Variants in EXD3 observed in about 807,000 individuals in gnomAD.
The protein encoded by EXD3 is exonuclease 3'-5' domain containing 3, also known as exonuclease mut-7 homolog.
Under a neutral mutation model 98.0 loss-of-function variants are expected in EXD3, and 92 were observed. The observed-to-expected ratio is 0.94, with a 90% confidence interval of 0.79 to 1.12. The LOEUF is 1.12. EXD3 is among the 50% of genes most tolerant of loss of function. The probability of loss-of-function intolerance (pLI) is 0.00; values close to 1 mark genes in which losing one functional copy is unlikely to be tolerated. For missense variants in EXD3, 1,222 were observed against 1,191.6 expected, an observed-to-expected ratio of 1.03 and a Z score of -0.38; for synonymous variants, 569 against 526.0, an observed-to-expected ratio of 1.08 and a Z score of -1.12.
chr9:137,372,993 A>G lies in EXD3; in HGVS notation c.374T>C (p.Leu125Pro), dbSNP rs756966630. 1 of 1,605,118 alleles carries G rather than the reference A, an allele frequency of 6.2e-7. No homozygotes were observed. The highest frequency in any genetic ancestry group is 2.2e-5 in the East Asian group (1 of 44,870). Residue 125 changes from leucine (L) to proline (P), a missense_variant, in exon 5 of 22, where the codon CTG becomes CCG. Transcript: ENST00000340951. Reference sequence around the variant, plus strand: ...ATCCTGCAGCTGGAAGATGCTGGCCAGTGGTGCCGCAAGGCTGGGGGGGCT... The same window carrying G: ...ATCCTGCAGCTGGAAGATGCTGGCCGGTGGTGCCGCAAGGCTGGGGGGGCT... ...TESPPSLAAP[L>P]ASIFQLQDAD...
rs779247850 is a variant in EXD3 at position 137,351,400 on chromosome 9, C to T, written c.1302G>A (p.Ser434=). The T allele has an allele frequency of 1.6e-5, 26 of 1,609,962 alleles. No homozygotes were observed. The highest frequency in any genetic ancestry group is 1.7e-5 in the Admixed American group (1 of 59,552). ...HVFLLDVLAL[S]QPPTGQGAQA... Reference sequence around the variant, plus strand: ...GGGCTCCCTGCCCTGTTGGTGGCTGCGAGAGTGCCAGGACGTCCAGAAGGA... The same window carrying T: ...GGGCTCCCTGCCCTGTTGGTGGCTGTGAGAGTGCCAGGACGTCCAGAAGGA... Residue 434 remains serine (S), a synonymous_variant, in exon 13 of 22, where the codon TCG becomes TCA. Transcript: ENST00000340951.
chr9:137,352,333 G>T, intron 11 of EXD3, 132 bp from the exon 12 acceptor site: 1 of 1,286,272 alleles, frequency 7.8e-7, no homozygotes, highest in Non-Finnish European at 1.1e-6. Flanking sequence ...TCCCACACCG[G>T]CTCAGTCCAG....
At chr9:137,410,866 T>TCTCAGGGGA (rs1837964520) in intron 1 of EXD3, among the ~76,000 whole-genome samples, 1 of 151,726 alleles carries the variant, frequency 6.6e-6, no homozygotes, top group Non-Finnish European at 1.5e-5. Flanking sequence ...GGTCCAAGGC[T>TCTCAGGGGA]CTGCAGGTGA....
At chr9:137,363,212 T>TTCCTTCCTCCTAATG (rs1354498399) in intron 7 of EXD3, among the ~76,000 whole-genome samples, 1 of 152,110 alleles carries the variant, frequency 6.6e-6, no homozygotes, top group Non-Finnish European at 1.5e-5. Flanking sequence ...GACTTTAGTT[T>TTCCTTCCTCCTAATG]TCCTTCCTCC....
chr9:137,382,917 AC>A (rs1266660143), intron 3 of EXD3, among the ~76,000 whole-genome samples: 1 of 151,722 alleles, frequency 6.6e-6, no homozygotes, highest in Non-Finnish European at 1.5e-5. Flanking sequence ...CTCAAGTCCC[AC>A]CCCTTCCTAA....
In EXD3 at chr9:137,367,944, C is replaced by T. The variant is rs756751194; in HGVS notation, c.508G>A (p.Val170Ile). Residue 170 changes from valine (V) to isoleucine (I), a missense_variant, in exon 6 of 22, where the codon GTT (valine) becomes ATT (isoleucine). By Grantham distance (29) the Val-to-Ile change is conservative (BLOSUM62 3). Transcript: ENST00000340951. ...ATLKLQSELG[V>I]EKMSIPLLLQ... is the part of the protein sequence containing the mutation. Reference sequence around the variant, plus strand: ...ATGAGAAAGACGTTCACCTTTTCAACGCCAAGCTCCGACTGCAGCTTCAAC... The same window carrying T: ...ATGAGAAAGACGTTCACCTTTTCAATGCCAAGCTCCGACTGCAGCTTCAAC... The T allele has an allele frequency of 5.3e-5, 86 of 1,611,968 alleles. No individual in the cohort carries two copies. The highest frequency in any genetic ancestry group is 2.0e-4 in the Admixed American group (12 of 59,960).
intron 1 of EXD3, among the ~76,000 whole-genome samples, chr9:137,419,982 AC>A (rs1289402188): frequency 1.3e-4 from 19 of 151,918 alleles, no homozygotes; most frequent in African/African-American, 4.1e-4. Context: ...ATACGGTGAA[AC>A]CCCATCTCTA....
chr9:137,387,913 T>C (rs947752416), intron 2 of EXD3, among the ~76,000 whole-genome samples: 2 of 152,188 alleles, frequency 1.3e-5, no homozygotes, highest in Admixed American at 1.3e-4. Flanking sequence ...AGTTCATCAG[T>C]GCTGCACCGA....
At chr9:137,314,356 T>G (rs4077098) in intron 19 of EXD3, among the ~76,000 whole-genome samples, 3,288 of 152,078 alleles carry the variant, frequency 0.022, 56 homozygotes, top group South Asian at 0.049. Context: ...ACCTGGCCAG[T>G]CCCGGCACTG....
intron 1 of EXD3, among the ~76,000 whole-genome samples, chr9:137,410,313 C>T (rs1317641708): frequency 1.3e-5 from 2 of 151,710 alleles, no homozygotes; most frequent in African/African-American, 2.4e-5. Flanking sequence ...GGTGAAATCC[C>T]GTCTCTACTA....
chr9:137,354,583 A>C (rs1834510156), intron 9 of EXD3, 117 bp downstream of exon 9: 1 of 1,548,982 alleles, frequency 6.5e-7, no homozygotes. Flanking sequence ...CTGGGGCAAG[A>C]AGCAGCTCCT....
chr9:137,401,119 T>A (rs1046083928), intron 1 of EXD3, among the ~76,000 whole-genome samples: 1 of 151,238 alleles, frequency 6.6e-6, no homozygotes, highest in African/African-American at 2.4e-5. Context: ...AGTGTCCCAG[T>A]AGGGACTCTG....
intron 10 of EXD3, 115 bp downstream of exon 10, chr9:137,354,224 C>T (rs1834482762): frequency 2.7e-6 from 4 of 1,498,112 alleles, no homozygotes; most frequent in Non-Finnish European, 3.6e-6. Flanking sequence ...CTGGGCTCAG[C>T]AGCCCCAGCG....
At chr9:137,344,993 T>C (rs989363777) in intron 17 of EXD3, among the ~76,000 whole-genome samples, 3 of 150,984 alleles carry the variant, frequency 2.0e-5, no homozygotes, top group Non-Finnish European at 4.4e-5. Context: ...CCAGGTCTTC[T>C]GCTCACATTT....
chr9:137,378,585 G>C (rs1436283014), intron 3 of EXD3, among the ~76,000 whole-genome samples: 4 of 152,222 alleles, frequency 2.6e-5, no homozygotes, highest in African/African-American at 4.8e-5. Context: ...TATTTACAAC[G>C]GCCAGAGGTG....
intron 17 of EXD3, among the ~76,000 whole-genome samples, chr9:137,339,488 C>T (rs958958441): frequency 9.4e-4 from 108 of 114,792 alleles, no homozygotes; most frequent in African/African-American, 3.9e-3. Context: ...CACAGCAAGA[C>T]GCCACTTCAA....
rs1336090413 is a variant in EXD3, at chr9:137,393,576, G to A, written c.55+1727C>T. Among the ~76,000 whole-genome samples the A allele has an allele frequency of 6.6e-6, 1 of 152,214 alleles. No homozygotes were observed. The highest frequency in any genetic ancestry group is 1.9e-4 in the East Asian group (1 of 5,204). ...ATCAGGGAAGGCGACATGCCCGGAG[G>A]TGCCCCCACAGCCCTCAGCACCCAC... On this transcript the variant is annotated intron_variant, in intron 2 of 21. Coordinates refer to ENST00000340951, the MANE Select transcript of EXD3 (RefSeq NM_017820.5). This position sits in a 1 kb window ranked among gnomAD's most constrained non-coding sequence, Gnocchi z 4.6.
At chr9:137,318,341 C>G (rs969569106) in intron 19 of EXD3, among the ~76,000 whole-genome samples, 5 of 152,132 alleles carry the variant, frequency 3.3e-5, no homozygotes, top group Admixed American at 1.3e-4. Flanking sequence ...TCGTCCCCCC[C>G]ATAATGGCCA....
rs1834130688 is a variant in EXD3, at chr9:137,349,360, A to G, written c.1657+9T>C. ...AGGAGGGGTCACTCCCACCCGCCGC[A>G]CCGCACACCTGCGTAGATGACCTGC... On this transcript the variant is annotated intron_variant, in intron 15 of 21. Transcript: ENST00000340951. The surrounding 1 kb of genome is among the most constrained non-coding windows in gnomAD (Gnocchi z 7.4). The G allele has an allele frequency of 6.3e-7, 1 of 1,577,844 alleles. No individual in the cohort carries two copies. The highest frequency in any genetic ancestry group is 8.6e-7 in the Non-Finnish European group (1 of 1,167,080).
Sources: allele counts gnomAD v4.1 joint callset (sites outside exome capture counted in the v4.1 genomes callset), GRCh38; gene constraint gnomAD v4.1.1; non-coding constraint Gnocchi (gnomAD v3.1); transcripts MANE v1.5; gene names NCBI Gene and HGNC (gene_info 2026-07-23, HGNC 2026-07-21).